The following IL17RD variants were observed in gnomAD, a reference collection of about 807,000 sequenced individuals.
The protein encoded by IL17RD is interleukin 17 receptor D, also known as interleukin-17 receptor D.
Under a neutral mutation model 80.5 loss-of-function variants are expected in IL17RD, and 52 were observed. The ratio of observed to expected loss-of-function variants is 0.65; its 90% CI spans 0.52 to 0.81. The LOEUF is 0.81. Among genes scored for constraint, IL17RD ranks in the 40% least tolerant of loss-of-function variants. The pLI is 0.00. For synonymous variants in IL17RD, 416 were observed against 391.8 expected, an observed-to-expected ratio of 1.06 and a Z score of -0.73; for missense variants, 1,024 against 955.1, an observed-to-expected ratio of 1.07 and a Z score of -0.95.
chr3:57,131,719 G>T (rs1236054043), intron 1 of IL17RD, among the ~76,000 whole-genome samples: 1 of 152,218 alleles, frequency 6.6e-6, no homozygotes, highest in Admixed American at 6.5e-5. Context: ...ATTTGGGGGA[G>T]AACTGTGGTG....
intron 1 of IL17RD, among the ~76,000 whole-genome samples, chr3:57,148,383 C>T (rs1448214758): frequency 1.3e-5 from 2 of 151,882 alleles, no homozygotes; most frequent in Admixed American, 6.5e-5. Context: ...TTAAACCTAC[C>T]TCCCCATTTT....
intron 2 of IL17RD, among the ~76,000 whole-genome samples, chr3:57,118,409 A>T (rs967155399): frequency 7.2e-5 from 11 of 152,220 alleles, no homozygotes; most frequent in Non-Finnish European, 1.6e-4. Context: ...ATCCTGCTTT[A>T]GCAGTGATTA....
intron 10 of IL17RD, 39 bp downstream of exon 10, chr3:57,102,439 TG>T: frequency 1.7e-6 from 2 of 1,184,566 alleles, no homozygotes; most frequent in South Asian, 1.7e-5. Context: ...CCCCCTGGCC[TG>T]CCCCTTGTTG....
intron 1 of IL17RD, among the ~76,000 whole-genome samples, chr3:57,151,793 G>A (rs759765513): frequency 3.5e-4 from 53 of 152,214 alleles, no homozygotes; most frequent in Non-Finnish European, 5.6e-4. Flanking sequence ...CCCAAATCAA[G>A]GTTAAGGCTG....
intron 1 of IL17RD, among the ~76,000 whole-genome samples, chr3:57,123,950 C>A (rs111888204): frequency 6.6e-6 from 1 of 151,990 alleles, no homozygotes; most frequent in African/African-American, 2.4e-5. Context: ...GAGGCTGAGG[C>A]GGGAGAATCG....
intron 1 of IL17RD, among the ~76,000 whole-genome samples, chr3:57,161,389 T>C (rs181531841): frequency 2.0e-5 from 3 of 152,358 alleles, no homozygotes; most frequent in Admixed American, 6.5e-5. Flanking sequence ...ACCTAAATTT[T>C]AACCAGCTGG....
At chr3:57,153,722 G>A (rs1239145185) in intron 1 of IL17RD, among the ~76,000 whole-genome samples, 1 of 152,176 alleles carries the variant, frequency 6.6e-6, no homozygotes, top group Non-Finnish European at 1.5e-5. Flanking sequence ...ACAAAGGATG[G>A]GAGAAAGAGC....
intron 1 of IL17RD, among the ~76,000 whole-genome samples, chr3:57,143,021 T>C (rs1263213529): frequency 2.0e-5 from 3 of 152,042 alleles, no homozygotes; most frequent in Non-Finnish European, 4.4e-5. Context: ...AAACGGAGCA[T>C]AAATAAAGTA....
intron 11 of IL17RD, among the ~76,000 whole-genome samples, chr3:57,100,531 C>T (rs1191208847): frequency 6.6e-6 from 1 of 152,184 alleles, no homozygotes; most frequent in Non-Finnish European, 1.5e-5. Context: ...CAGATCATTT[C>T]AGTGCTTGAC....
At position 57,106,056 on chromosome 3, in the gene IL17RD, A is replaced by G. The variant is rs751111165; in HGVS notation, c.596-48T>C. 8 of 1,612,306 alleles carry G rather than the reference A, an allele frequency of 5.0e-6. No homozygotes were observed. In the Admixed American group the frequency reaches 1.3e-4, roughly 27 times the overall value. ...GTGAGCAACCAGAGGCTACCCTAACACCATCATAGTGGCGATACTTTGAGA... is the reference window on the plus strand; with the variant it reads ...GTGAGCAACCAGAGGCTACCCTAACGCCATCATAGTGGCGATACTTTGAGA... On this transcript the variant is annotated intron_variant, in intron 6 of 12. Coordinates refer to ENST00000296318, the MANE Select transcript of IL17RD (RefSeq NM_017563.5).
chr3:57,096,747 C>T (rs1288269128), intron 12 of IL17RD, among the ~76,000 whole-genome samples: 1 of 152,148 alleles, frequency 6.6e-6, no homozygotes, highest in Non-Finnish European at 1.5e-5. Context: ...CAGTGGCTCA[C>T]GCCTGTAATC....
chr3:57,112,334 A>G (rs1707118035), intron 3 of IL17RD, among the ~76,000 whole-genome samples: 1 of 152,266 alleles, frequency 6.6e-6, no homozygotes, highest in Non-Finnish European at 1.5e-5. Context: ...TCACACAGGA[A>G]TAAAATGACA....
At chr3:57,127,016 G>A (rs941943514) in intron 1 of IL17RD, among the ~76,000 whole-genome samples, 2 of 150,568 alleles carry the variant, frequency 1.3e-5, no homozygotes, top group Non-Finnish European at 2.9e-5. Flanking sequence ...GTAGAGACAG[G>A]GTTTTGCCAT....
intron 1 of IL17RD, among the ~76,000 whole-genome samples, chr3:57,139,482 T>C (rs1395090395): frequency 6.6e-6 from 1 of 151,986 alleles, no homozygotes; most frequent in Non-Finnish European, 1.5e-5. Flanking sequence ...AATATGTGTA[T>C]ATTATTTATG....
chr3:57,145,038 T>C (rs1368996811), intron 1 of IL17RD, among the ~76,000 whole-genome samples: 2 of 152,222 alleles, frequency 1.3e-5, no homozygotes, highest in African/African-American at 2.4e-5. Flanking sequence ...ATTACCCATA[T>C]GCAGATCAAC....
At chr3:57,152,302 C>A (rs941191999) in intron 1 of IL17RD, among the ~76,000 whole-genome samples, 4 of 152,240 alleles carry the variant, frequency 2.6e-5, no homozygotes, top group Non-Finnish European at 5.9e-5. Context: ...GCATCTAAAT[C>A]GCTGCTTTCT....
intron 1 of IL17RD, among the ~76,000 whole-genome samples, chr3:57,160,635 A>G (rs1478814039): frequency 3.9e-5 from 6 of 152,146 alleles, no homozygotes; most frequent in African/African-American, 1.4e-4. Flanking sequence ...TTTATCGGTC[A>G]GGGCTCTGAG....
At chr3:57,151,012 A>T (rs1450195094) in intron 1 of IL17RD, among the ~76,000 whole-genome samples, 1 of 152,190 alleles carries the variant, frequency 6.6e-6, no homozygotes, top group Admixed American at 6.5e-5. Flanking sequence ...TTAATATCAC[A>T]TGTTTATTTA....
At position 57,093,388 on chromosome 3, in the gene IL17RD, T is replaced by C. The variant is rs1163596127; in HGVS notation, c.*3005A>G. 1 of 152,182 alleles carries C rather than the reference T, an allele frequency of 6.6e-6. No homozygotes were observed. 9.4% of individuals were successfully genotyped at this position (152,182 alleles called of 1,614,324 possible). A position where few individuals can be genotyped will look rare whatever the true frequency, so the allele number is the denominator to read the frequency against. ...AAGTTGGGGGGCCAGAGAGTTTTCT[T>C]TCTTTTGGGAGAAGGGTGTGTCATT... On this transcript the variant is annotated 3_prime_UTR_variant, in exon 13 of 13. Coordinates refer to ENST00000296318, the MANE Select transcript of IL17RD (RefSeq NM_017563.5).
Sources: gnomAD v4.1 joint callset for allele counts (sites outside exome capture counted in the v4.1 genomes callset) on GRCh38, gnomAD v4.1.1 for gene constraint, MANE v1.5 for transcripts, NCBI Gene and HGNC (gene_info 2026-07-23, HGNC 2026-07-21) for gene names.